Variants in ZNF532 observed in about 807,000 individuals in gnomAD.
ZNF532 encodes zinc finger protein 532.
ZNF532 carries 22 observed loss-of-function variants against 89.3 expected under a neutral mutation model. That is an observed-to-expected ratio of 0.25 (90% CI 0.18 to 0.35). The LOEUF (loss-of-function observed/expected upper bound fraction) is 0.35. Among genes scored for constraint, ZNF532 ranks in the 10% least tolerant of loss-of-function variants. The pLI, the probability that ZNF532 is intolerant of heterozygous loss-of-function variation, is 1.00. For synonymous variants in ZNF532, 606 were observed against 649.6 expected, an observed-to-expected ratio of 0.93 and a Z score of 1.02; for missense variants, 1,132 against 1,643.4, an observed-to-expected ratio of 0.69 and a Z score of 5.38.
chr18:58,945,195 A>G (rs1603264854), intron 5 of ZNF532, among the ~76,000 whole-genome samples: 1 of 152,178 alleles, frequency 6.6e-6, no homozygotes, highest in East Asian at 1.9e-4. Context: ...TTGGCCGTCC[A>G]AAAGGGGACC....
chr18:58,929,050 T>C (rs2061746370), intron 3 of ZNF532, among the ~76,000 whole-genome samples: 1 of 152,228 alleles, frequency 6.6e-6, no homozygotes. Context: ...CAGAATGCTA[T>C]AGGTCTTTTG....
chr18:58,947,441 T>C (rs1296762416), intron 5 of ZNF532, among the ~76,000 whole-genome samples: 1 of 152,254 alleles, frequency 6.6e-6, no homozygotes, highest in East Asian at 1.9e-4. Flanking sequence ...GACAAGTGAA[T>C]ATTTTAAGTC....
At chr18:58,978,606 C>T (rs1756065513) in intron 7 of ZNF532, among the ~76,000 whole-genome samples, 1 of 152,144 alleles carries the variant, frequency 6.6e-6, no homozygotes, top group Non-Finnish European at 1.5e-5. Flanking sequence ...TACCTCAGCC[C>T]TGTCCTCATT....
chr18:58,951,082 A>T (rs753626065), intron 6 of ZNF532, among the ~76,000 whole-genome samples: 3 of 151,992 alleles, frequency 2.0e-5, no homozygotes, highest in Non-Finnish European at 2.9e-5. Context: ...CAGCCCCCCG[A>T]ATAGCTGAGA....
intron 7 of ZNF532, among the ~76,000 whole-genome samples, chr18:58,954,793 A>G (rs925682860): frequency 4.0e-5 from 6 of 150,264 alleles, no homozygotes; most frequent in South Asian, 2.1e-4. Context: ...GCTTGCTGCA[A>G]TCTCTACCTC....
chr18:58,951,438 G>A (rs1430796309), intron 6 of ZNF532, among the ~76,000 whole-genome samples: 1 of 152,092 alleles, frequency 6.6e-6, no homozygotes, highest in African/African-American at 2.4e-5. Flanking sequence ...AGGGTTTTAG[G>A]TTTTGTTTTC....
rs12963762 is a variant in ZNF532 at position 58,954,725 on chromosome 18, T to G, written c.3150+926T>G. Among the ~76,000 whole-genome samples the G allele has an allele frequency of 2.3e-3, 347 of 147,940 alleles. 1 individual carries two copies. The highest frequency in any genetic ancestry group is 3.6e-3 in the Admixed American group (54 of 14,850). On this transcript the variant is annotated intron_variant, in intron 7 of 9. Transcript: ENST00000591808. The stretch of plus-strand genomic sequence containing the variant: ...GGAATTTGCTACTTTTTTTTTTTTT[T>G]TTTTTGAGAAAGAGTCTCACTCTGT...
In ZNF532 at chr18:58,977,180, CCAGA is replaced by C. The variant is rs143850127; in HGVS notation, c.3151-1873_3151-1870del. Among the ~76,000 whole-genome samples the C allele has an allele frequency of 1.4e-3, 220 of 152,278 alleles. 1 individual carries two copies. The highest frequency in any genetic ancestry group is 4.9e-3 in the African/African-American group (205 of 41,560). ...GATTCAAGACCCTTTTGAATATCTACCAGACTGATTTGGTTTATTTAAAAGACAG... is the reference window on the plus strand; with the variant it reads ...GATTCAAGACCCTTTTGAATATCTACCTGATTTGGTTTATTTAAAAGACAG... On this transcript the variant is annotated intron_variant, in intron 7 of 9. Transcript: ENST00000591808.
At chr18:58,972,254 G>A (rs891850372) in intron 7 of ZNF532, among the ~76,000 whole-genome samples, 9 of 151,274 alleles carry the variant, frequency 5.9e-5, no homozygotes, top group Non-Finnish European at 1.3e-4. Flanking sequence ...TGTTTTACAA[G>A]TGAAAAAGAA....
chr18:58,954,472 TCAA>T (rs1298196684), intron 7 of ZNF532: 1 of 181,764 alleles, frequency 5.5e-6, no homozygotes, highest in Non-Finnish European at 1.1e-5. Context: ...CCTGATTGTC[TCAA>T]AGTTGGTTTG....
chr18:58,900,952 T>C (rs1030510640), intron 2 of ZNF532, among the ~76,000 whole-genome samples: 13 of 152,294 alleles, frequency 8.5e-5, no homozygotes, highest in African/African-American at 3.1e-4. Flanking sequence ...AAAAAATACT[T>C]TTAATGCCAT....
intron 5 of ZNF532, 71 bp downstream of exon 5, chr18:58,939,692 T>C: frequency 1.4e-6 from 2 of 1,430,466 alleles, no homozygotes; most frequent in Non-Finnish European, 1.9e-6. Context: ...TAGTAGTCGT[T>C]CTATTGAATA....
rs781327512 is a variant in ZNF532, at chr18:58,984,289, T to C, written c.3729T>C (p.Asp1243=). Residue 1243 remains aspartate, a synonymous_variant, in exon 10 of 10, where the codon GAT becomes GAC. Coordinates refer to ENST00000591808, the MANE Select transcript of ZNF532 (RefSeq NM_001375912.1). ...PVSKQNGAGE[D]NQQENKPSHE... ...CCAAGCAAAATGGGGCTGGGGAAGA[T>C]AACCAACAGGAGAACAAACCCAGCC... 1.5e-5 allele frequency: 24 copies of C among 1,611,928 alleles called. 1 individual carries two copies. In the South Asian group the frequency reaches 2.3e-4, roughly 16 times the overall value.
intron 9 of ZNF532, 103 bp downstream of exon 9, chr18:58,981,720 A>AAATTCAGACTGGCTGGGTG: frequency 6.7e-7 from 1 of 1,482,370 alleles, no homozygotes; most frequent in Non-Finnish European, 9.2e-7. Context: ...ACAGTTTTAA[A>AAATTCAGACTGGCTGGGTG]AATTCAGACT....
intron 6 of ZNF532, among the ~76,000 whole-genome samples, chr18:58,951,638 G>A (rs903158787): frequency 4.6e-5 from 3 of 64,986 alleles, no homozygotes; most frequent in African/African-American, 6.9e-5. Context: ...CTCAGCCCTC[G>A]CCCTGTTGTT....
At chr18:58,974,336 G>T (rs1414015863) in intron 7 of ZNF532, among the ~76,000 whole-genome samples, 2 of 151,946 alleles carry the variant, frequency 1.3e-5, no homozygotes, top group South Asian at 2.1e-4. Context: ...TACTTTCTCC[G>T]CTTAGTAGTT....
chr18:58,927,419 C>T (rs529918426), intron 3 of ZNF532, among the ~76,000 whole-genome samples: 1 of 151,568 alleles, frequency 6.6e-6, no homozygotes, highest in African/African-American at 2.4e-5. Flanking sequence ...TCTTGGTGGT[C>T]GGCTACAGAG....
In ZNF532 at chr18:58,984,309, C is replaced by G; in HGVS notation, c.3749C>G (p.Pro1250Arg). 6.2e-7 allele frequency: 1 copy of G among 1,611,902 alleles called. No individual in the cohort carries two copies. Among genetic ancestry groups the G allele is most frequent in the Non-Finnish European group, 8.5e-7 (1 of 1,179,852 alleles). The change falls in exon 10 of 10, where the codon CCC becomes CGC. Residue 1250 changes from proline (P) to arginine (R), a missense_variant. Coordinates refer to ENST00000591808, the MANE Select transcript of ZNF532 (RefSeq NM_001375912.1). The part of the protein sequence containing the change: ...AGEDNQQENK[P>R]SHEDESPDGA... ...GAAGATAACCAACAGGAGAACAAAC[C>G]CAGCCACGAGGATGAATCCCCTGAT...
At chr18:58,936,680 A>G (rs913427704) in intron 4 of ZNF532, among the ~76,000 whole-genome samples, 2 of 152,304 alleles carry the variant, frequency 1.3e-5, no homozygotes, top group South Asian at 2.1e-4. Flanking sequence ...ACTTGAGGCT[A>G]TATGGGGCTG....
Sources: allele counts gnomAD v4.1 joint callset (sites outside exome capture counted in the v4.1 genomes callset), GRCh38; gene constraint gnomAD v4.1.1; transcripts MANE v1.5; gene names NCBI Gene and HGNC (gene_info 2026-07-23, HGNC 2026-07-21).